Variants in LDAH observed in about 807,000 individuals in gnomAD.
The protein encoded by LDAH is lipid droplet associated hydrolase.
Under a neutral mutation model 29.6 loss-of-function variants are expected in LDAH, and 26 were observed. That is an observed-to-expected ratio of 0.88 (90% confidence interval 0.64 to 1.22). LDAH has a LOEUF of 1.22. LDAH is among the 50% of genes most tolerant of loss of function. LDAH has a pLI of 0.00. For synonymous variants in LDAH, 117 were observed against 133.0 expected (o/e 0.88, Z 0.83); for missense variants, 344 against 387.3 (o/e 0.89, Z 0.94).
At chr2:20,683,546 A>G (rs1463448490), downstream of LDAH, among the ~76,000 whole-genome samples, 1 of 152,174 alleles carries the variant, frequency 6.6e-6, no homozygotes, top group Non-Finnish European at 1.5e-5. Flanking sequence ...TTCTAAATCG[A>G]CTGTTAGAAC....
At chr2:20,763,533 AAAT>A (rs1668827021) in intron 4 of LDAH, among the ~76,000 whole-genome samples, 1 of 152,242 alleles carries the variant, frequency 6.6e-6, no homozygotes, top group African/African-American at 2.4e-5. Context: ...TGGCTTATTC[AAAT>A]TAGTGCCCAG....
chr2:20,814,200 C>A (rs1467781317), intron 1 of LDAH, among the ~76,000 whole-genome samples: 1 of 143,036 alleles, frequency 7.0e-6, no homozygotes, highest in Non-Finnish European at 1.5e-5. Flanking sequence ...TTTTTAATCA[C>A]AATGTTATAC....
intron 6 of LDAH, among the ~76,000 whole-genome samples, chr2:20,692,539 AC>A (rs1432993948): frequency 2.0e-5 from 3 of 152,264 alleles, no homozygotes; most frequent in Non-Finnish European, 4.4e-5. Context: ...CAGTAGGACT[AC>A]AGGCATTACA....
intron 6 of LDAH, among the ~76,000 whole-genome samples, chr2:20,690,327 G>A (rs1429130354): frequency 2.6e-5 from 4 of 152,178 alleles, no homozygotes; most frequent in Non-Finnish European, 4.4e-5. Context: ...AGAACAGTGA[G>A]GAGTCTAGAC....
intron 4 of LDAH, among the ~76,000 whole-genome samples, chr2:20,743,310 AC>A (rs1245331965): frequency 1.3e-4 from 15 of 115,894 alleles, no homozygotes; most frequent in African/African-American, 5.8e-4. Flanking sequence ...GTCCAAGTCC[AC>A]TTTTTTTTTT....
intron 4 of LDAH, among the ~76,000 whole-genome samples, chr2:20,768,602 T>G (rs185923777): frequency 4.6e-5 from 7 of 152,156 alleles, no homozygotes; most frequent in Non-Finnish European, 8.8e-5. Flanking sequence ...GAGCTGAGCA[T>G]AGCCTGTCAG....
Position 20,740,054 on chromosome 2 carries a change from G to C in LDAH, c.620C>G (p.Ser207Cys), listed in dbSNP as rs1264304832. 1 of 1,613,948 alleles carries C rather than the reference G, an allele frequency of 6.2e-7. No individual in the cohort carries two copies. The highest frequency in any genetic ancestry group is 1.3e-5 in the African/African-American group (1 of 74,906). ...TTGAAGGCCCCTTCTGATTAGCAAG[G>C]ACTTGATTGTCTCAGGACACGGTTT... Reference protein sequence around the residue: ...LLKPCPETIKSLLIRRGLQVM... With the variant: ...LLKPCPETIKCLLIRRGLQVM... The change falls in exon 5 of 7, where the codon TCC becomes TGC. Residue 207 changes from serine to cysteine, a missense_variant. By Grantham distance (112) the Ser-to-Cys change is moderately radical. Coordinates refer to ENST00000237822, the MANE Select transcript of LDAH (RefSeq NM_021925.4).
chr2:20,718,852 A>G (rs1665436811), intron 5 of LDAH, among the ~76,000 whole-genome samples: 1 of 152,140 alleles, frequency 6.6e-6, no homozygotes, highest in Non-Finnish European at 1.5e-5. Flanking sequence ...GAATCTTTGC[A>G]AAGAGGAACT....
Position 20,715,930 on chromosome 2 carries a change from A to G in LDAH, c.704-14278T>C, listed in dbSNP as rs962018409. On this transcript the variant is annotated intron_variant, in intron 5 of 6. Coordinates refer to ENST00000237822, the MANE Select transcript of LDAH (RefSeq NM_021925.4). ...AAGTGGGTGAAGGATATGAACAGAC[A>G]CTTCTCAAAAGAAGACATTTATGCA... Among the ~76,000 whole-genome samples the G allele has an allele frequency of 2.0e-5, 3 of 152,300 alleles. No homozygotes were observed. The East Asian group carries it at 5.8e-4, about 29-fold the overall frequency.
chr2:20,756,183 C>T (rs1334623329), intron 4 of LDAH, among the ~76,000 whole-genome samples: 3 of 151,976 alleles, frequency 2.0e-5, no homozygotes, highest in South Asian at 2.1e-4. Context: ...TACAAGTGTG[C>T]GCCACCATGC....
intron 3 of LDAH, 38 bp downstream of exon 3, chr2:20,790,217 C>G (rs371896312): frequency 1.2e-4 from 191 of 1,608,742 alleles, no homozygotes; most frequent in Non-Finnish European, 1.5e-4. Flanking sequence ...TGACCCTGCA[C>G]TCACTCTAAA....
intron 6 of LDAH, among the ~76,000 whole-genome samples, chr2:20,696,701 A>T (rs963158036): frequency 5.3e-5 from 8 of 152,224 alleles, no homozygotes; most frequent in African/African-American, 1.9e-4. Flanking sequence ...CTTATGGCTT[A>T]GAACAGTGAC....
chr2:20,771,730 C>T (rs1311337615), intron 4 of LDAH, among the ~76,000 whole-genome samples: 3 of 151,980 alleles, frequency 2.0e-5, no homozygotes, highest in African/African-American at 7.3e-5. Flanking sequence ...ATGTTCACTG[C>T]CCCTCCTACC....
intron 1 of LDAH, among the ~76,000 whole-genome samples, chr2:20,805,882 A>T (rs1672034438): frequency 6.9e-6 from 1 of 145,406 alleles, no homozygotes. Flanking sequence ...AGTATACATT[A>T]AGTGATTCTA....
At chr2:20,791,818 G>A (rs1258712199) in intron 2 of LDAH, among the ~76,000 whole-genome samples, 1 of 152,048 alleles carries the variant, frequency 6.6e-6, no homozygotes, top group Non-Finnish European at 1.5e-5. Flanking sequence ...CAAGTGACTG[G>A]CCAATTGTTC....
chr2:20,794,722 C>T (rs1240787279), intron 2 of LDAH, among the ~76,000 whole-genome samples: 1 of 152,104 alleles, frequency 6.6e-6, no homozygotes, highest in Admixed American at 6.6e-5. Context: ...GCATGTATAA[C>T]GTACCAAACT....
At chr2:20,812,058 T>C (rs1352067105) in intron 1 of LDAH, among the ~76,000 whole-genome samples, 1 of 151,848 alleles carries the variant, frequency 6.6e-6, no homozygotes, top group Non-Finnish European at 1.5e-5. Context: ...CTCACATACA[T>C]ATAGGGGGAA....
chr2:20,735,404 G>T (rs1666704933), intron 5 of LDAH, among the ~76,000 whole-genome samples: 1 of 149,372 alleles, frequency 6.7e-6, no homozygotes, highest in South Asian at 2.1e-4. Context: ...TTTTATTGTT[G>T]GTTCCATCCA....
At chr2:20,757,525 C>T (rs762276397) in intron 4 of LDAH, among the ~76,000 whole-genome samples, 5 of 152,106 alleles carry the variant, frequency 3.3e-5, no homozygotes, top group Non-Finnish European at 5.9e-5. Flanking sequence ...GTCAGGTATT[C>T]AGTTAAAAAA....
Sources: allele counts gnomAD v4.1 joint callset (sites outside exome capture counted in the v4.1 genomes callset), GRCh38; gene constraint gnomAD v4.1.1; transcripts MANE v1.5; gene names NCBI Gene and HGNC (gene_info 2026-07-23, HGNC 2026-07-21).